MYO3B: variants seen among roughly 807,000 people sequenced by gnomAD.
MYO3B encodes myosin IIIB, also known as myosin-IIIb.
Under a neutral mutation model 174.6 loss-of-function variants are expected in MYO3B, and 156 were observed. The observed-to-expected ratio is 0.89, with a 90% confidence interval of 0.78 to 1.02. MYO3B has a LOEUF of 1.02. Ranked by LOEUF, MYO3B falls within the 50% of genes least tolerant of loss-of-function variation. The pLI, the probability that MYO3B is intolerant of heterozygous loss-of-function variation, is 0.00. For synonymous variants in MYO3B, 563 were observed against 569.1 expected (o/e 0.99, Z 0.15); for missense variants, 1,632 against 1,639.4 (o/e 1.00, Z 0.08).
At chr2:170,209,221 T>C (rs2092746069) in intron 3 of MYO3B, among the ~76,000 whole-genome samples, 1 of 152,180 alleles carries the variant, frequency 6.6e-6, no homozygotes, top group African/African-American at 2.4e-5. Context: ...AACAACTACA[T>C]TGCTGTAAGT....
chr2:170,270,636 G>A (rs1052299245), intron 7 of MYO3B, among the ~76,000 whole-genome samples: 1 of 152,136 alleles, frequency 6.6e-6, no homozygotes. Flanking sequence ...GCCCTGCCCT[G>A]TATAGAAGCC....
chr2:170,553,458 C>T (rs1245210984), intron 32 of MYO3B, among the ~76,000 whole-genome samples: 2 of 152,160 alleles, frequency 1.3e-5, no homozygotes, highest in Non-Finnish European at 2.9e-5. Context: ...TTGCATGGGG[C>T]CTATAGCCAC....
In MYO3B at chr2:170,293,908, C is replaced by T. The variant is rs115652771; in HGVS notation, c.750-41477C>T. On this transcript the variant is annotated intron_variant, in intron 7 of 34. Coordinates refer to ENST00000408978, the MANE Select transcript of MYO3B (RefSeq NM_138995.5). ...TCTTGGTTTCAGGATGCCTTGAGACCAGGCTAAGGGATATGGAGGGAAAAA... is the reference window on the plus strand; with the variant it reads ...TCTTGGTTTCAGGATGCCTTGAGACTAGGCTAAGGGATATGGAGGGAAAAA... 4.2e-3 allele frequency among the ~76,000 whole-genome samples: 633 copies of T among 152,162 alleles called. 4 individuals are homozygous for T. Among genetic ancestry groups the T allele is most frequent in the African/African-American group, 0.014 (601 of 41,516 alleles).
At chr2:170,333,540 C>G (rs2093926471) in intron 7 of MYO3B, among the ~76,000 whole-genome samples, 1 of 152,182 alleles carries the variant, frequency 6.6e-6, no homozygotes, top group Non-Finnish European at 1.5e-5. Flanking sequence ...ATTCTTCCTT[C>G]TCATCTTATC....
chr2:170,199,319 T>C lies in MYO3B; in HGVS notation c.114T>C (p.Tyr38=), dbSNP rs776091909. 3.7e-6 allele frequency: 6 copies of C among 1,613,476 alleles called. No homozygotes were observed. In the Admixed American group the frequency reaches 6.7e-5, roughly 18 times the overall value. Residue 38 remains tyrosine, a synonymous_variant, in exon 2 of 35, where the codon TAT becomes TAC. Transcript: ENST00000408978. The part of the protein sequence containing the change: ...EIIETIGKGT[Y]GKVYKVTNKR... ...TAGAGACCATTGGTAAAGGCACCTA[T>C]GGCAAAGTCTACAAGGTAACTAACA...
At position 170,444,114 on chromosome 2, in the gene MYO3B, G is replaced by C. The variant is rs1010136964; in HGVS notation, c.2730+68G>C. ...TACTCTTGACCCAGGGATAATCTTA[G>C]AGTGGGCAGCATTAGTTCCCTTCTA... On this transcript the variant is annotated intron_variant, in intron 23 of 34. Transcript: ENST00000408978. The C allele has an allele frequency of 5.8e-5, 81 of 1,397,834 alleles. No homozygotes were observed. In the East Asian group the frequency reaches 1.9e-3, roughly 32 times the overall value. The allele number at this position is 1,397,834 out of a possible 1,614,324, so 86.6% of individuals were successfully genotyped here.
chr2:170,365,210 G>T (rs1323261741), intron 8 of MYO3B, among the ~76,000 whole-genome samples: 2 of 152,168 alleles, frequency 1.3e-5, no homozygotes, highest in Non-Finnish European at 2.9e-5. Flanking sequence ...GGGAGTTGAG[G>T]AATTGACCTC....
At chr2:170,496,580 A>G (rs2106064961) in intron 25 of MYO3B, among the ~76,000 whole-genome samples, 1 of 148,880 alleles carries the variant, frequency 6.7e-6, no homozygotes, top group East Asian at 1.9e-4. Flanking sequence ...AGGATAATAT[A>G]TTCAAAAAGT....
At chr2:170,337,705 C>T (rs1266116554) in intron 8 of MYO3B, 1 of 152,246 alleles carries the variant, frequency 6.6e-6, no homozygotes, top group East Asian at 1.9e-4. Flanking sequence ...TTACTGTTGA[C>T]TGGAAGCCTT....
chr2:170,209,825 CATATT>C (rs1218057739), intron 3 of MYO3B, among the ~76,000 whole-genome samples: 3 of 152,124 alleles, frequency 2.0e-5, no homozygotes, highest in Non-Finnish European at 2.9e-5. Context: ...TTTTGGAACA[CATATT>C]AATATTATTC....
intron 7 of MYO3B, among the ~76,000 whole-genome samples, chr2:170,309,609 C>T (rs996764174): frequency 3.7e-4 from 56 of 152,146 alleles, no homozygotes; most frequent in Admixed American, 1.1e-3. Flanking sequence ...GACTGGCATG[C>T]GTGTGCTCAC....
chr2:170,585,684 C>T (rs755463184), intron 32 of MYO3B, among the ~76,000 whole-genome samples: 3 of 152,186 alleles, frequency 2.0e-5, no homozygotes, highest in Middle Eastern at 3.4e-3. Flanking sequence ...TCTGGCCTTA[C>T]CAGCAACAGG....
At chr2:170,532,900 A>G (rs1247279170) in intron 30 of MYO3B, among the ~76,000 whole-genome samples, 1 of 151,898 alleles carries the variant, frequency 6.6e-6, no homozygotes, top group African/African-American at 2.4e-5. Flanking sequence ...TTGTATGTGT[A>G]TATATCAATA....
At chr2:170,574,128 A>G (rs1407707663) in intron 32 of MYO3B, among the ~76,000 whole-genome samples, 3 of 152,202 alleles carry the variant, frequency 2.0e-5, no homozygotes, top group Non-Finnish European at 2.9e-5. Context: ...ATATTCATTA[A>G]TCAGAAACAC....
At chr2:170,289,599 T>C (rs1011122787) in intron 7 of MYO3B, among the ~76,000 whole-genome samples, 2 of 152,066 alleles carry the variant, frequency 1.3e-5, no homozygotes, top group Admixed American at 1.3e-4. Context: ...TATTCTCTCT[T>C]TTTTCTTAGT....
At chr2:170,278,530 T>C (rs921401827) in intron 7 of MYO3B, among the ~76,000 whole-genome samples, 15 of 152,148 alleles carry the variant, frequency 9.9e-5, no homozygotes, top group African/African-American at 3.6e-4. Context: ...ATGTGATGTT[T>C]TATGCATAGA....
chr2:170,302,611 A>T (rs1458783316), intron 7 of MYO3B, among the ~76,000 whole-genome samples: 1 of 152,238 alleles, frequency 6.6e-6, no homozygotes, highest in Non-Finnish European at 1.5e-5. Flanking sequence ...ATTAAAGTTT[A>T]TTCCAGTTCG....
intron 8 of MYO3B, among the ~76,000 whole-genome samples, chr2:170,356,342 T>G (rs2094120761): frequency 6.6e-6 from 1 of 152,038 alleles, no homozygotes; most frequent in Admixed American, 6.6e-5. Context: ...AGAGTGATAA[T>G]ATTCATTACA....
intron 28 of MYO3B, among the ~76,000 whole-genome samples, chr2:170,512,966 G>A (rs1171250767): frequency 6.6e-6 from 1 of 152,106 alleles, no homozygotes; most frequent in East Asian, 1.9e-4. Flanking sequence ...GTTACTATGA[G>A]CATTAAATGA....
Sources: allele counts gnomAD v4.1 joint callset (sites outside exome capture counted in the v4.1 genomes callset), GRCh38; gene constraint gnomAD v4.1.1; transcripts MANE v1.5; gene names NCBI Gene and HGNC (gene_info 2026-07-23, HGNC 2026-07-21).